The following COL10A1 variants were observed in gnomAD, a reference collection of about 807,000 sequenced individuals.
The protein encoded by COL10A1 is collagen alpha-1(X) chain.
COL10A1 carries 10 observed loss-of-function variants against 18.2 expected under a neutral mutation model. The ratio of observed to expected loss-of-function variants is 0.55; its 90% confidence interval spans 0.34 to 0.93. COL10A1 has a LOEUF of 0.93. COL10A1 is among the 40% of genes least tolerant of loss of function. The pLI is 0.02. For synonymous variants in COL10A1, 330 were observed against 316.6 expected, an observed-to-expected ratio of 1.04 and a Z score of -0.45; for missense variants, 897 against 853.5, an observed-to-expected ratio of 1.05 and a Z score of -0.64.
chr6:116,163,280 T>C (rs887828091), upstream of COL10A1, among the ~76,000 whole-genome samples: 5 of 150,822 alleles, frequency 3.3e-5, no homozygotes, highest in African/African-American at 1.2e-4. Flanking sequence ...GATCTTTTAT[T>C]ACTGATTCAA....
chr6:116,124,179 A>C (rs1049510911), intron 2 of COL10A1, among the ~76,000 whole-genome samples: 11 of 152,124 alleles, frequency 7.2e-5, no homozygotes, highest in Admixed American at 1.3e-4. Context: ...CTTTCTTCTT[A>C]AAAAGACAAT....
chr6:116,203,040 T>G, the COL10A1 span, among the ~76,000 whole-genome samples: 1 of 151,992 alleles, frequency 6.6e-6, no homozygotes, highest in African/African-American at 2.4e-5. Flanking sequence ...CACAAATTTT[T>G]TCCCACAGAT....
Position 116,121,468 on chromosome 6 carries a change from A to C in COL10A1, c.648T>G (p.Pro216=). 1.2e-6 allele frequency: 2 copies of C among 1,614,006 alleles called. No individual in the cohort carries two copies. Among genetic ancestry groups the C allele is most frequent in the Non-Finnish European group, 1.7e-6 (2 of 1,179,992 alleles). ...GPQGPTGPSG[P]PGVGKRGENG... is the part of the protein sequence containing the mutation. ...TTTCACCTCTTTTTCCCACTCCAGGAGGGCCAGATGGTCCTGTGGGACCCT... is the reference window on the plus strand; with the variant it reads ...TTTCACCTCTTTTTCCCACTCCAGGCGGGCCAGATGGTCCTGTGGGACCCT... The change falls in exon 3 of 3, where the codon CCT becomes CCG. Residue 216 remains proline, a synonymous_variant. Coordinates refer to ENST00000651968, the MANE Select transcript of COL10A1 (RefSeq NM_000493.4).
the COL10A1 span, among the ~76,000 whole-genome samples, chr6:116,176,406 C>G: frequency 6.6e-6 from 1 of 152,186 alleles, no homozygotes; most frequent in Non-Finnish European, 1.5e-5. Flanking sequence ...GGCTCAGTCT[C>G]AGCCTTAGAG....
chr6:116,204,356 GA>G, the COL10A1 span, among the ~76,000 whole-genome samples: 2 of 151,940 alleles, frequency 1.3e-5, no homozygotes, highest in Non-Finnish European at 2.9e-5. Context: ...TAGTGACTGA[GA>G]AAGATTCAAA....
chr6:116,130,833 C>G (rs978189680), upstream of COL10A1, among the ~76,000 whole-genome samples: 4 of 151,916 alleles, frequency 2.6e-5, no homozygotes, highest in African/African-American at 9.7e-5. Context: ...CCATGATACT[C>G]ACAATTTCTC....
chr6:116,177,164 T>C, the COL10A1 span, among the ~76,000 whole-genome samples: 1 of 152,234 alleles, frequency 6.6e-6, no homozygotes, highest in Non-Finnish European at 1.5e-5. Context: ...TTAAGTCTTT[T>C]GTTACTTGAG....
At chr6:116,178,096 C>CGCGCGT in the COL10A1 span, among the ~76,000 whole-genome samples, 1 of 107,826 alleles carries the variant, frequency 9.3e-6, no homozygotes, top group Non-Finnish European at 1.9e-5. Flanking sequence ...TGTGCGCGCG[C>CGCGCGT]GCGCGCGTGC....
chr6:116,120,166 C>T lies in COL10A1; in HGVS notation c.1950G>A (p.Val650=), dbSNP rs767177364. The T allele has an allele frequency of 1.1e-5, 17 of 1,614,142 alleles. 1 individual carries two copies. The East Asian group carries it at 3.6e-4, about 34-fold the overall frequency. ...ACTCGGCATTGGGAAGCTGGAGCCA[C>T]ACCTGGTCATTTTCTGTGAGATCGA... ...AIIDLTENDQ[V]WLQLPNAESN... The change falls in exon 3 of 3, where the codon GTG becomes GTA. Residue 650 remains valine (V), a synonymous_variant. Transcript: ENST00000651968.
chr6:116,138,971 T>C (rs1191677021), intron 1 of COL10A1, among the ~76,000 whole-genome samples: 4 of 152,172 alleles, frequency 2.6e-5, no homozygotes, highest in African/African-American at 9.7e-5. Flanking sequence ...GTAGGATTTG[T>C]ATAATTGCAG....
At chr6:116,131,083 G>C (rs1779447277), upstream of COL10A1, among the ~76,000 whole-genome samples, 1 of 151,994 alleles carries the variant, frequency 6.6e-6, no homozygotes, top group African/African-American at 2.4e-5. Context: ...CTTTCATAAA[G>C]TACATATGTT....
the COL10A1 span, among the ~76,000 whole-genome samples, chr6:116,206,072 T>G: frequency 4.6e-5 from 7 of 152,016 alleles, no homozygotes; most frequent in African/African-American, 1.2e-4. Context: ...CCCTGCCTCC[T>G]GCTCAGTAGG....
upstream of COL10A1, among the ~76,000 whole-genome samples, chr6:116,159,341 A>G (rs1780277204): frequency 6.6e-6 from 1 of 152,150 alleles, no homozygotes; most frequent in Admixed American, 6.6e-5. Flanking sequence ...CTTTCAAGTC[A>G]TTATTTCTGT....
At chr6:116,127,733 A>G (rs989853665), upstream of COL10A1, among the ~76,000 whole-genome samples, 19 of 152,152 alleles carry the variant, frequency 1.2e-4, no homozygotes, top group African/African-American at 3.4e-4. Context: ...TTGTGTGTAT[A>G]TATGGTGATA....
intron 2 of COL10A1, among the ~76,000 whole-genome samples, chr6:116,122,829 CTAAT>C (rs986366898): frequency 2.0e-5 from 3 of 151,668 alleles, no homozygotes; most frequent in Non-Finnish European, 1.5e-5. Flanking sequence ...TTTTTTTTTA[CTAAT>C]TAGAGTTATA....
the COL10A1 span, among the ~76,000 whole-genome samples, chr6:116,172,687 T>C: frequency 6.6e-6 from 1 of 152,186 alleles, no homozygotes; most frequent in African/African-American, 2.4e-5. Context: ...AGATAACATA[T>C]ATTATTTAAT....
intron 1 of COL10A1, among the ~76,000 whole-genome samples, chr6:116,142,754 TG>T (rs1166146027): frequency 6.6e-6 from 1 of 152,196 alleles, no homozygotes; most frequent in Non-Finnish European, 1.5e-5. Context: ...CTGCTTTTCT[TG>T]TTTCTTTTTG....
chr6:116,129,276 T>G (rs141433540), upstream of COL10A1, among the ~76,000 whole-genome samples: 73 of 152,324 alleles, frequency 4.8e-4, no homozygotes, highest in African/African-American at 1.7e-3. Context: ...TACATACATA[T>G]CCACATATAT....
chr6:116,201,265 T>C, the COL10A1 span, among the ~76,000 whole-genome samples: 1 of 152,098 alleles, frequency 6.6e-6, no homozygotes, highest in Non-Finnish European at 1.5e-5. Context: ...CCTTTTTGGC[T>C]GTAGCCATTA....
Sources: gnomAD v4.1 joint callset for allele counts (sites outside exome capture counted in the v4.1 genomes callset) on GRCh38, gnomAD v4.1.1 for gene constraint, MANE v1.5 for transcripts, NCBI Gene and HGNC (gene_info 2026-07-23, HGNC 2026-07-21) for gene names.